MPPED2: variants seen among roughly 807,000 people sequenced by gnomAD.
MPPED2 encodes metallophosphoesterase MPPED2.
Under a neutral mutation model 33.0 loss-of-function variants are expected in MPPED2, and 5 were observed. That is an observed-to-expected ratio of 0.15 (90% confidence interval 0.08 to 0.32). MPPED2 has a LOEUF of 0.32. Ranked by LOEUF, MPPED2 falls within the 10% of genes least tolerant of loss-of-function variation. MPPED2 has a pLI of 1.00. For missense variants in MPPED2, 275 were observed against 372.1 expected, an observed-to-expected ratio of 0.74 and a Z score of 2.15; for synonymous variants, 136 against 141.9, an observed-to-expected ratio of 0.96 and a Z score of 0.29.
intron 3 of MPPED2, among the ~76,000 whole-genome samples, chr11:30,498,477 G>A (rs951567416): frequency 2.5e-4 from 38 of 151,506 alleles, no homozygotes; most frequent in Non-Finnish European, 4.3e-4. Flanking sequence ...GAACCCCGGA[G>A]GTGCAGGTTG....
At chr11:30,473,377 GT>G (rs1191300280) in intron 4 of MPPED2, among the ~76,000 whole-genome samples, 1 of 152,050 alleles carries the variant, frequency 6.6e-6, no homozygotes, top group African/African-American at 2.4e-5. Context: ...CTTGCCAAAG[GT>G]CCTACCTAGC....
chr11:30,495,449 G>C lies in MPPED2; in HGVS notation c.383C>G (p.Ala128Gly). The C allele has an allele frequency of 1.9e-6, 3 of 1,614,086 alleles. No individual in the cohort carries two copies. The highest frequency in any genetic ancestry group is 2.5e-6 in the Non-Finnish European group (3 of 1,179,952). Reference sequence around the variant, plus strand: ...GTAGTAGTCCTGTTTAACAAGGTCTGCCATGAATTCCTTATCAAATGTCAG... The same window carrying C: ...GTAGTAGTCCTGTTTAACAAGGTCTCCCATGAATTCCTTATCAAATGTCAG... ...HELTFDKEFMADLVKQDYYRF... is the reference protein window; with the variant it reads ...HELTFDKEFMGDLVKQDYYRF... Residue 128 changes from alanine (A) to glycine (G), a missense_variant, in exon 4 of 7, where the codon GCA becomes GGA. Transcript: ENST00000358117.
At chr11:30,404,206 A>T (rs1357962536) in intron 6 of MPPED2, among the ~76,000 whole-genome samples, 1 of 152,228 alleles carries the variant, frequency 6.6e-6, no homozygotes, top group Non-Finnish European at 1.5e-5. Context: ...ATGCACAAAG[A>T]AATAAGTGCT....
chr11:30,558,570 C>T (rs1565183073), intron 2 of MPPED2, among the ~76,000 whole-genome samples: 1 of 151,510 alleles, frequency 6.6e-6, no homozygotes, highest in African/African-American at 2.4e-5. Context: ...TATGTGCCAC[C>T]ACACTCAGCT....
intron 1 of MPPED2, 54 bp downstream of exon 1, chr11:30,585,981 GGGCTCCC>G (rs1461478527): frequency 6.6e-6 from 1 of 152,308 alleles, no homozygotes; most frequent in African/African-American, 2.4e-5. Context: ...GCTCGGCACC[GGGCTCCC>G]GGCCGCCTCC....
chr11:30,481,235 T>A (rs984677553), intron 4 of MPPED2, among the ~76,000 whole-genome samples: 2 of 152,156 alleles, frequency 1.3e-5, no homozygotes, highest in Non-Finnish European at 2.9e-5. Context: ...TCCAGTCAAC[T>A]GCACCGTGCA....
At chr11:30,523,045 C>T (rs1953961599) in intron 3 of MPPED2, among the ~76,000 whole-genome samples, 2 of 152,108 alleles carry the variant, frequency 1.3e-5, no homozygotes, top group South Asian at 4.1e-4. Context: ...AATAAATTAC[C>T]TCAGCTGGCA....
At chr11:30,563,121 C>T (rs1431919491) in intron 2 of MPPED2, among the ~76,000 whole-genome samples, 1 of 152,112 alleles carries the variant, frequency 6.6e-6, no homozygotes, top group East Asian at 1.9e-4. Context: ...TTTACTGTAA[C>T]ATTTTCAATG....
At chr11:30,392,157 A>G (rs1947786447) in intron 6 of MPPED2, among the ~76,000 whole-genome samples, 1 of 152,246 alleles carries the variant, frequency 6.6e-6, no homozygotes, top group South Asian at 2.1e-4. Context: ...CAAATTCAAC[A>G]ACATTTTTGA....
At chr11:30,401,855 T>TTG (rs1389621327) in intron 6 of MPPED2, among the ~76,000 whole-genome samples, 1 of 105,142 alleles carries the variant, frequency 9.5e-6, no homozygotes, top group Non-Finnish European at 2.3e-5. Flanking sequence ...CAGCTAATTT[T>TTG]TTGTATTTTT....
chr11:30,444,998 TTTCCTC>T (rs149945251), intron 4 of MPPED2, among the ~76,000 whole-genome samples: 4,108 of 152,326 alleles, frequency 0.027, 91 homozygotes, highest in Admixed American at 0.063. Flanking sequence ...ATTAATTTCT[TTTCCTC>T]TTTGGGAATT....
chr11:30,410,092 T>G, downstream of MPPED2: 2 of 984,226 alleles, frequency 2.0e-6, no homozygotes, highest in Non-Finnish European at 2.4e-6. Flanking sequence ...AAAAATTTAT[T>G]GAAAATTAGG....
intron 4 of MPPED2, among the ~76,000 whole-genome samples, chr11:30,428,246 G>A (rs1263294724): frequency 6.6e-6 from 1 of 152,166 alleles, no homozygotes; most frequent in African/African-American, 2.4e-5. Flanking sequence ...TCATCTGACT[G>A]AGAAATTTCA....
Position 30,399,162 on chromosome 11 carries a change from CTT to C in MPPED2, c.767-10208_767-10207del, listed in dbSNP as rs11331183. Among the ~76,000 whole-genome samples, 1,460 of 150,892 alleles carry C rather than the reference CTT, an allele frequency of 9.7e-3. 9 individuals are homozygous for C. Among genetic ancestry groups the C allele is most frequent in the Non-Finnish European group, 0.014 (929 of 67,746 alleles). On this transcript the variant is annotated intron_variant, in intron 6 of 6. Coordinates refer to the MPPED2 transcript ENST00000448418. ...GGAAACATTAAAAAAAGATCCAATACTTTTTTTTTTAATAAACAACATTGTGA... is the reference window on the plus strand; with the variant it reads ...GGAAACATTAAAAAAAGATCCAATACTTTTTTTTAATAAACAACATTGTGA...
intron 3 of MPPED2, among the ~76,000 whole-genome samples, chr11:30,499,133 C>T (rs925810284): frequency 1.3e-5 from 2 of 152,186 alleles, no homozygotes; most frequent in African/African-American, 4.8e-5. Context: ...TCCCAGGCTC[C>T]AACTGAGCCC....
intron 2 of MPPED2, among the ~76,000 whole-genome samples, chr11:30,573,063 G>A (rs1357198963): frequency 2.0e-5 from 3 of 152,136 alleles, no homozygotes; most frequent in Non-Finnish European, 4.4e-5. Flanking sequence ...CTATCAAGAA[G>A]TCTATTACTG....
chr11:30,393,152 T>A (rs903289638), intron 6 of MPPED2, among the ~76,000 whole-genome samples: 18 of 152,080 alleles, frequency 1.2e-4, no homozygotes, highest in Non-Finnish European at 1.8e-4. Context: ...TGGGTCAGAG[T>A]CTTGCCTCTC....
intron 3 of MPPED2, chr11:30,504,884 G>T: frequency 9.4e-7 from 1 of 1,061,012 alleles, no homozygotes; most frequent in Non-Finnish European, 1.3e-6. Context: ...TCAGGGCTGA[G>T]CCAGAAACCC....
At chr11:30,572,534 A>G (rs1240517587) in intron 2 of MPPED2, among the ~76,000 whole-genome samples, 20 of 152,324 alleles carry the variant, frequency 1.3e-4, no homozygotes, top group Non-Finnish European at 4.4e-5. Flanking sequence ...GATTGAGAAC[A>G]TTTTACAAAT....
Sources: allele counts gnomAD v4.1 joint callset (sites outside exome capture counted in the v4.1 genomes callset), GRCh38; gene constraint gnomAD v4.1.1; transcripts MANE v1.5; gene names NCBI Gene and HGNC (gene_info 2026-07-23, HGNC 2026-07-21).